ZNF396: variants seen among roughly 807,000 people sequenced by gnomAD.
The protein encoded by ZNF396 is zinc finger protein 396, also known as zinc finger and SCAN domain-containing protein 14.
Under a neutral mutation model 20.5 loss-of-function variants are expected in ZNF396, and 14 were observed. The observed-to-expected ratio is 0.68, with a 90% CI of 0.45 to 1.07. The LOEUF (loss-of-function observed/expected upper bound fraction) is 1.07. Among genes scored for constraint, ZNF396 ranks in the 50% least tolerant of loss-of-function variants. The probability of loss-of-function intolerance (pLI) is 0.00; values close to 1 mark genes in which losing one functional copy is unlikely to be tolerated. For missense variants in ZNF396, 347 were observed against 390.1 expected (o/e 0.89, Z 0.93); for synonymous variants, 119 against 140.6 (o/e 0.85, Z 1.08).
chr18:35,375,220 G>A (rs1314954689), intron 1 of ZNF396, among the ~76,000 whole-genome samples: 2 of 150,912 alleles, frequency 1.3e-5, no homozygotes, highest in African/African-American at 4.9e-5. Flanking sequence ...GGAGATGGGA[G>A]GATCACCTGA....
intron 3 of ZNF396, among the ~76,000 whole-genome samples, chr18:35,371,333 AAT>A (rs1486349809): frequency 6.6e-6 from 1 of 152,224 alleles, no homozygotes; most frequent in Non-Finnish European, 1.5e-5. Context: ...AATGGGTCTA[AAT>A]AGTTATTACA....
In ZNF396 at chr18:35,374,298, C is replaced by G. The variant is rs372621616; in HGVS notation, c.-6G>C. On this transcript the variant is annotated 5_prime_UTR_variant, in exon 2 of 4. Transcript: ENST00000589332. This position sits in a 1 kb window ranked among gnomAD's most constrained non-coding sequence, Gnocchi z 4.3. The stretch of plus-strand genomic sequence containing the variant: ...TTTCCCAATTTTGCAGACATTTTGA[C>G]AGACAAATAGCTCAGTACTGTTAGG... 1.9e-6 allele frequency: 3 copies of G among 1,611,390 alleles called. No individual in the cohort carries two copies. In the African/African-American group the frequency reaches 4.0e-5, roughly 22 times the overall value.
At position 35,368,935 on chromosome 18, in the gene ZNF396, T is replaced by A; in HGVS notation, c.*280A>T. 8.3e-7 allele frequency: 1 copy of A among 1,206,080 alleles called. No homozygotes were observed. The highest frequency in any genetic ancestry group is 1.0e-6 in the Non-Finnish European group (1 of 971,096). The allele number at this position is 1,206,080 out of a possible 1,614,324, so 74.7% of individuals were successfully genotyped here. On this transcript the variant is annotated 3_prime_UTR_variant, in exon 4 of 4. Coordinates refer to ENST00000589332, the MANE Select transcript of ZNF396 (RefSeq NM_001322286.2). ...TTATATGTGTTAATAATGAAAATAG[T>A]AGAACATGTCTGAGAATGCCTTTTC...
At position 35,367,642 on chromosome 18, in the gene ZNF396, C is replaced by T. The variant is rs1028309625; in HGVS notation, c.*1573G>A. The stretch of plus-strand genomic sequence containing the variant: ...CTGTCAGAATAATTTTAATAATGTA[C>T]GATTCAGTAATTTTAAACAGGGAAT... On this transcript the variant is annotated 3_prime_UTR_variant, in exon 4 of 4. Transcript: ENST00000589332. 2.7e-4 allele frequency: 13 copies of T among 47,798 alleles called. No individual in the cohort carries two copies. Among genetic ancestry groups the T allele is most frequent in the African/African-American group, 5.6e-4 (6 of 10,658 alleles). 3.0% of individuals were successfully genotyped at this position (47,798 alleles called of 1,614,324 possible).
At chr18:35,370,793 G>A (rs954368041) in intron 3 of ZNF396, among the ~76,000 whole-genome samples, 2 of 152,090 alleles carry the variant, frequency 1.3e-5, no homozygotes, top group African/African-American at 4.8e-5. Context: ...GATTACAGGC[G>A]TGAGCCACCG....
At chr18:35,369,948 AAAG>A (rs764344594) in intron 3 of ZNF396, among the ~76,000 whole-genome samples, 35 of 152,336 alleles carry the variant, frequency 2.3e-4, no homozygotes, top group Admixed American at 8.5e-4. Context: ...AAGGGCTTAG[AAAG>A]AAGAAATGAT....
intron 2 of ZNF396, 76 bp from the exon 3 acceptor site, chr18:35,373,676 A>G (rs2045216344): frequency 6.4e-7 from 1 of 1,556,776 alleles, no homozygotes; most frequent in Non-Finnish European, 8.7e-7. Context: ...AGAAGAAACT[A>G]TGCAAAAAGT....
rs2045118219 is a variant in ZNF396, at chr18:35,368,071, T to C, written c.*1144A>G. ...CGACACACACTGTACTTGACAACACTTGTGGTACATCAGTCTTGTTTGACA... is the reference window on the plus strand; with the variant it reads ...CGACACACACTGTACTTGACAACACCTGTGGTACATCAGTCTTGTTTGACA... On this transcript the variant is annotated 3_prime_UTR_variant, in exon 4 of 4. Coordinates refer to ENST00000589332, the MANE Select transcript of ZNF396 (RefSeq NM_001322286.2). The C allele has an allele frequency of 5.1e-6, 1 of 197,408 alleles. No individual in the cohort carries two copies. The highest frequency in any genetic ancestry group is 1.0e-5 in the Non-Finnish European group (1 of 97,878). The allele number at this position is 197,408 out of a possible 1,614,324, so 12.2% of individuals were successfully genotyped here. A position where few individuals can be genotyped will look rare whatever the true frequency, so the allele number is the denominator to read the frequency against.
At position 35,368,589 on chromosome 18, in the gene ZNF396, T is replaced by A. The variant is rs1398102471; in HGVS notation, c.*626A>T. 1.3e-5 allele frequency: 6 copies of A among 461,820 alleles called. No individual in the cohort carries two copies. The highest frequency in any genetic ancestry group is 1.8e-5 in the Non-Finnish European group (6 of 339,644). 28.6% of individuals were successfully genotyped at this position (461,820 alleles called of 1,614,324 possible). ...GCCTCAGCCTCCCTAGTAGCTGGGA[T>A]TACAGGTACACGTTGCCATGCCTGG... is the stretch of plus-strand genomic sequence containing the variant. On this transcript the variant is annotated 3_prime_UTR_variant, in exon 4 of 4. Coordinates refer to ENST00000589332, the MANE Select transcript of ZNF396 (RefSeq NM_001322286.2).
Position 35,368,756 on chromosome 18 carries a change from A to T in ZNF396, c.*459T>A, listed in dbSNP as rs2045131185. The T allele has an allele frequency of 1.0e-6, 1 of 989,416 alleles. No individual in the cohort carries two copies. Among genetic ancestry groups the T allele is most frequent in the Non-Finnish European group, 1.2e-6 (1 of 832,938 alleles). 61.3% of individuals were successfully genotyped at this position (989,416 alleles called of 1,614,324 possible). ...CATGAGCCAACCGCACCCAGCCAGG[A>T]ATTCTTTTTGAGTGCTTTAATTTTT... On this transcript the variant is annotated 3_prime_UTR_variant, in exon 4 of 4. Coordinates refer to ENST00000589332, the MANE Select transcript of ZNF396 (RefSeq NM_001322286.2).
Position 35,373,444 on chromosome 18 carries a change from C to G in ZNF396, c.562+12G>C. The G allele has an allele frequency of 6.2e-7, 1 of 1,612,032 alleles. No homozygotes were observed. Among genetic ancestry groups the G allele is most frequent in the Non-Finnish European group, 8.5e-7 (1 of 1,178,978 alleles). Reference sequence around the variant, plus strand: ...CACACCTTCCAACATGAACTGAATCCTGCCCCCTCACCATGTGGTCTTAAG... The same window carrying G: ...CACACCTTCCAACATGAACTGAATCGTGCCCCCTCACCATGTGGTCTTAAG... On this transcript the variant is annotated intron_variant, in intron 3 of 3. Coordinates refer to ENST00000589332, the MANE Select transcript of ZNF396 (RefSeq NM_001322286.2).
intron 3 of ZNF396, among the ~76,000 whole-genome samples, chr18:35,370,599 G>A (rs111834524): frequency 0.046 from 5,863 of 128,618 alleles, 218 homozygotes; most frequent in East Asian, 0.2. Flanking sequence ...TGCAAGCTCC[G>A]CCTCCCGGGT....
At chr18:35,376,788 G>A (rs1036650476) in intron 1 of ZNF396, among the ~76,000 whole-genome samples, 1 of 152,180 alleles carries the variant, frequency 6.6e-6, no homozygotes, top group Non-Finnish European at 1.5e-5. Context: ...CTGAGGTGAG[G>A]GTAAGGAACC....
At chr18:35,369,742 TA>T in intron 3 of ZNF396, 82 bp from the exon 4 acceptor site, 2 of 1,357,700 alleles carry the variant, frequency 1.5e-6, no homozygotes, top group East Asian at 4.6e-5. Context: ...AGCATGTTTA[TA>T]AAACAACACA....
In ZNF396 at chr18:35,368,190, T is replaced by G; in HGVS notation, c.*1025A>C. ...AATATTGTTATGAAAACATTCCTTA[T>G]GTTTAGCTGACTCCTTGTAGACAAG... On this transcript the variant is annotated 3_prime_UTR_variant, in exon 4 of 4. Coordinates refer to ENST00000589332, the MANE Select transcript of ZNF396 (RefSeq NM_001322286.2). The G allele has an allele frequency of 2.8e-6, 1 of 358,792 alleles. No individual in the cohort carries two copies. The allele number at this position is 358,792 out of a possible 1,614,324, so 22.2% of individuals were successfully genotyped here.
Position 35,369,526 on chromosome 18 carries a change from C to T in ZNF396, c.697G>A (p.Glu233Lys), listed in dbSNP as rs1376593452. Residue 233 changes from glutamate to lysine, a missense_variant, in exon 4 of 4, where the codon GAA becomes AAA. By Grantham distance (56) the Glu-to-Lys change is moderately conservative. Transcript: ENST00000589332. ...SQSSTYRGTY[E>K]QDGRFEKRQG... Reference sequence around the variant, plus strand: ...CTCTTTTCAAACCTACCATCTTGTTCATAGGTTCCTCTATATGTGGAACTC... The same window carrying T: ...CTCTTTTCAAACCTACCATCTTGTTTATAGGTTCCTCTATATGTGGAACTC... 6.2e-7 allele frequency: 1 copy of T among 1,614,080 alleles called. No homozygotes were observed. Among genetic ancestry groups the T allele is most frequent in the Non-Finnish European group, 8.5e-7 (1 of 1,179,962 alleles).
In ZNF396 at chr18:35,374,506, T is replaced by C. The variant is rs2045232076; in HGVS notation, c.-72-142A>G. On this transcript the variant is annotated intron_variant, in intron 1 of 3. Transcript: ENST00000589332. The surrounding 1 kb of genome is among the most constrained non-coding windows in gnomAD (Gnocchi z 4.3). ...CAGAAACCATGCTTTTATTTATTTATTTATTTTTGAGATGGAGTCTTGCTC... is the reference window on the plus strand; with the variant it reads ...CAGAAACCATGCTTTTATTTATTTACTTATTTTTGAGATGGAGTCTTGCTC... 3 of 427,832 alleles carry C rather than the reference T, an allele frequency of 7.0e-6. No homozygotes were observed. In the South Asian group the frequency reaches 8.9e-5, roughly 13 times the overall value. 26.5% of individuals were successfully genotyped at this position (427,832 alleles called of 1,614,324 possible). A position where few individuals can be genotyped will look rare whatever the true frequency, so the allele number is the denominator to read the frequency against.
chr18:35,369,427 G>C lies in ZNF396; in HGVS notation c.796C>G (p.Leu266Val). 1 of 1,614,194 alleles carries C rather than the reference G, an allele frequency of 6.2e-7. No homozygotes were observed. Among genetic ancestry groups the C allele is most frequent in the Non-Finnish European group, 8.5e-7 (1 of 1,180,028 alleles). Reference protein sequence around the residue: ...CGKIFSQSSALILHQRIHSGK... With the variant: ...CGKIFSQSSAVILHQRIHSGK... ...CTGTGGATTCTCTGATGTAAAATAA[G>C]GGCTGAGCTCTGACTAAAGATTTTG... Residue 266 changes from leucine (L) to valine (V), a missense_variant, in exon 4 of 4, where the codon CTT becomes GTT. Leu to Val is a conservative substitution (Grantham distance 32, BLOSUM62 1). Coordinates refer to ENST00000589332, the MANE Select transcript of ZNF396 (RefSeq NM_001322286.2).
In ZNF396 at chr18:35,373,617, T is replaced by C. The variant is rs371379150; in HGVS notation, c.418-17A>G. ...AAAAAAGATCTAAAAACAGGAATAA[T>C]TGAGGCTGAAGAACACCATCAGGTT... On this transcript the variant is annotated splice_polypyrimidine_tract_variant and intron_variant, in intron 2 of 3. Transcript: ENST00000589332. The C allele has an allele frequency of 1.7e-5, 28 of 1,612,724 alleles. No homozygotes were observed. The highest frequency in any genetic ancestry group is 2.0e-5 in the Non-Finnish European group (23 of 1,179,364).
Sources: gnomAD v4.1 joint callset for allele counts (sites outside exome capture counted in the v4.1 genomes callset) on GRCh38, gnomAD v4.1.1 for gene constraint, Gnocchi (gnomAD v3.1) non-coding constraint, MANE v1.5 for transcripts, NCBI Gene and HGNC (gene_info 2026-07-23, HGNC 2026-07-21) for gene names.